EP300: variants seen among roughly 807,000 people sequenced by gnomAD.
The protein encoded by EP300 is histone acetyltransferase p300.
Under a neutral mutation model 264.0 loss-of-function variants are expected in EP300, and 31 were observed. The observed-to-expected ratio is 0.12, with a 90% CI of 0.09 to 0.16. EP300 has a LOEUF of 0.16. Among genes scored for constraint, EP300 ranks in the 10% least tolerant of loss-of-function variants. EP300 has a pLI of 1.00. For synonymous variants in EP300, 1,340 were observed against 1,045.4 expected (o/e 1.28, Z -5.44); for missense variants, 2,766 against 3,052.9 (o/e 0.91, Z 2.21).
At chr22:41,158,644 C>G in intron 19 of EP300, 144 bp downstream of exon 19, 1 of 705,090 alleles carries the variant, frequency 1.4e-6, no homozygotes, top group Non-Finnish European at 2.5e-6. Context: ...TTTTTGCCTT[C>G]TGCCTTTGTT....
rs2058890438 is a variant in EP300 at position 41,127,578 on chromosome 22, A to G, written c.998A>G (p.Glu333Gly). The G allele has an allele frequency of 6.2e-7, 1 of 1,614,130 alleles. No homozygotes were observed. Among genetic ancestry groups the G allele is most frequent in the South Asian group, 1.1e-5 (1 of 91,094 alleles). ...TCTGGAGCACATACAGCTGATCCAGAGAAGCGCAAGCTCATCCAGCAGCAG... is the reference window on the plus strand; with the variant it reads ...TCTGGAGCACATACAGCTGATCCAGGGAAGCGCAAGCTCATCCAGCAGCAG... ...MGSGAHTADPEKRKLIQQQLV... is the reference protein window; with the variant it reads ...MGSGAHTADPGKRKLIQQQLV... The change falls in exon 4 of 31, where the codon GAG becomes GGG. Residue 333 changes from glutamate (E) to glycine (G), a missense_variant. Glu to Gly is a moderately conservative substitution (Grantham distance 98). Transcript: ENST00000263253.
At position 41,140,255 on chromosome 22, in the gene EP300, C is replaced by CGAGT; in HGVS notation, c.1878+4_1878+7dup. On this transcript the variant is annotated frameshift_variant and splice_region_variant, in exon 9 of 31. Transcript: ENST00000263253. LOFTEE classifies it high-confidence loss of function. ...GGACATGTATGAATCTGCAAACAAT[C>CGAGT]GAGTGAGTGTCTGGTTTTTTTCTAT... The CGAGT allele has an allele frequency of 6.3e-7, 1 of 1,594,236 alleles. No homozygotes were observed. Among genetic ancestry groups the CGAGT allele is most frequent in the Non-Finnish European group, 8.6e-7 (1 of 1,162,016 alleles).
At chr22:41,144,458 A>G (rs530862909) in intron 10 of EP300, among the ~76,000 whole-genome samples, 7 of 151,584 alleles carry the variant, frequency 4.6e-5, no homozygotes, top group Non-Finnish European at 8.8e-5. Context: ...AGCTCAAGCA[A>G]TCCTCCCACT....
chr22:41,100,156 C>T (rs2145675452), intron 1 of EP300, among the ~76,000 whole-genome samples: 1 of 152,244 alleles, frequency 6.6e-6, no homozygotes, highest in Admixed American at 6.5e-5. Context: ...ATCTCTTGAG[C>T]CCAGGAGTTT....
Position 41,139,749 on chromosome 22 carries a change from T to G in EP300, c.1761-391T>G, listed in dbSNP as rs554794031. 1.1e-4 allele frequency among the ~76,000 whole-genome samples: 17 copies of G among 152,332 alleles called. No homozygotes were observed. In the East Asian group the frequency reaches 2.5e-3, roughly 22 times the overall value. ...CAGAACAGTTCAAGTTTTTGATGTT[T>G]TAACATTTTAGAGTGGTTACTGAAT... On this transcript the variant is annotated intron_variant, in intron 8 of 30. Coordinates refer to ENST00000263253, the MANE Select transcript of EP300 (RefSeq NM_001429.4).
At chr22:41,093,218 T>C in intron 1 of EP300, 120 bp downstream of exon 1, 2 of 1,037,872 alleles carry the variant, frequency 1.9e-6, no homozygotes, top group South Asian at 1.4e-5. Flanking sequence ...TAATTAATTT[T>C]AAAGGTATTT....
intron 17 of EP300, 141 bp from the exon 18 acceptor site, chr22:41,157,028 A>G: frequency 1.1e-6 from 1 of 936,444 alleles, no homozygotes; most frequent in Non-Finnish European, 1.6e-6. Context: ...GAAGTGATGG[A>G]CATCAGTCAC....
At chr22:41,175,918 C>A (rs1057217601) in intron 29 of EP300, 2 of 353,262 alleles carry the variant, frequency 5.7e-6, no homozygotes, top group Non-Finnish European at 1.1e-5. Flanking sequence ...ACTCAGCATT[C>A]GCCAGTCTCA....
In EP300 at chr22:41,155,252, G is replaced by A. The variant is rs186159171; in HGVS notation, c.3261+139G>A. ...ATTTTTTTTTTTTCCCCCTGAGACAGGGTCTTATTCTGGTTGCCTAGGCTG... is the reference window on the plus strand; with the variant it reads ...ATTTTTTTTTTTTCCCCCTGAGACAAGGTCTTATTCTGGTTGCCTAGGCTG... On this transcript the variant is annotated intron_variant, in intron 17 of 30. Coordinates refer to ENST00000263253, the MANE Select transcript of EP300 (RefSeq NM_001429.4). The A allele has an allele frequency of 1.3e-5, 10 of 789,180 alleles. No homozygotes were observed. The East Asian group carries it at 2.5e-4, about 20-fold the overall frequency. The allele number at this position is 789,180 out of a possible 1,614,324, so 48.9% of individuals were successfully genotyped here.
rs965556639 is a variant in EP300, at chr22:41,092,985, T to C, written c.-20T>C. The C allele has an allele frequency of 6.2e-7, 1 of 1,613,650 alleles. No individual in the cohort carries two copies. Among genetic ancestry groups the C allele is most frequent in the Non-Finnish European group, 8.5e-7 (1 of 1,179,740 alleles). On this transcript the variant is annotated 5_prime_UTR_variant, in exon 1 of 31. Transcript: ENST00000263253. ...TGAGGATTCTGGTTTTCCTCGCTTG[T>C]ATCTCCGAAAGAATTAAAAATGGCC...
intron 6 of EP300, among the ~76,000 whole-genome samples, chr22:41,132,924 C>T (rs1373496195): frequency 2.6e-5 from 4 of 152,156 alleles, no homozygotes; most frequent in African/African-American, 9.7e-5. Context: ...GTATGTTTCT[C>T]TAATTGCATA....
intron 10 of EP300, among the ~76,000 whole-genome samples, chr22:41,145,561 G>C (rs939074082): frequency 6.6e-6 from 1 of 152,214 alleles, no homozygotes; most frequent in African/African-American, 2.4e-5. Flanking sequence ...GCACTATGTT[G>C]AAAGTACTAC....
intron 23 of EP300, among the ~76,000 whole-genome samples, chr22:41,167,914 C>G (rs58268766): frequency 7.1e-6 from 1 of 140,806 alleles, no homozygotes; most frequent in Non-Finnish European, 1.5e-5. Context: ...CTCTGCCTCC[C>G]GGGTTCAAGC....
At chr22:41,169,188 A>G (rs2059156394) in intron 25 of EP300, 2 of 544,168 alleles carry the variant, frequency 3.7e-6, no homozygotes, top group Admixed American at 3.1e-5. Flanking sequence ...ATATCATACA[A>G]ATCGGGTGGG....
chr22:41,121,404 G>A (rs2058851448), intron 2 of EP300, among the ~76,000 whole-genome samples: 1 of 152,152 alleles, frequency 6.6e-6, no homozygotes. Flanking sequence ...AAGAAGCAGG[G>A]CTCAGGAGAT....
In EP300 at chr22:41,104,537, G is replaced by A. The variant is rs543907071; in HGVS notation, c.94+11439G>A. Reference sequence around the variant, plus strand: ...ACTCCTGACCTCAGGCGATCCGCCCGCCTCGGCCTCCCAAAGTGCTGGGGT... The same window carrying A: ...ACTCCTGACCTCAGGCGATCCGCCCACCTCGGCCTCCCAAAGTGCTGGGGT... On this transcript the variant is annotated intron_variant, in intron 1 of 30. Transcript: ENST00000263253. Among the ~76,000 whole-genome samples, 11 of 152,010 alleles carry A rather than the reference G, an allele frequency of 7.2e-5. No individual in the cohort carries two copies. In the South Asian group the frequency reaches 2.1e-3, roughly 29 times the overall value.
intron 11 of EP300, among the ~76,000 whole-genome samples, chr22:41,147,519 C>A (rs925610411): frequency 6.6e-6 from 1 of 152,084 alleles, no homozygotes; most frequent in Non-Finnish European, 1.5e-5. Flanking sequence ...GGGCAGATCA[C>A]AAGGTCAGGA....
intron 6 of EP300, 151 bp downstream of exon 6, chr22:41,131,784 T>C (rs2058921340): frequency 1.7e-6 from 2 of 1,146,580 alleles, no homozygotes; most frequent in East Asian, 5.1e-5. Flanking sequence ...CCCTTACAGT[T>C]CATCTACGAG....
At chr22:41,151,091 A>G (rs910374700) in intron 14 of EP300, among the ~76,000 whole-genome samples, 1 of 152,098 alleles carries the variant, frequency 6.6e-6, no homozygotes, top group Non-Finnish European at 1.5e-5. Context: ...AGAAGCTTCT[A>G]CTTTGATACC....
Sources: gnomAD v4.1 joint callset for allele counts (sites outside exome capture counted in the v4.1 genomes callset) on GRCh38, gnomAD v4.1.1 for gene constraint, MANE v1.5 for transcripts, NCBI Gene and HGNC (gene_info 2026-07-23, HGNC 2026-07-21) for gene names.